AFAP1: variants seen among roughly 807,000 people sequenced by gnomAD.
AFAP1 encodes actin filament-associated protein 1.
A neutral mutation model predicts 93.9 loss-of-function variants in AFAP1; 75 were observed. The observed-to-expected ratio is 0.80, with a 90% CI of 0.66 to 0.97. The LOEUF (loss-of-function observed/expected upper bound fraction) is 0.97. AFAP1 is among the 50% of genes least tolerant of loss of function. The probability of loss-of-function intolerance (pLI) is 0.00; values close to 1 mark genes in which losing one functional copy is unlikely to be tolerated. For missense variants in AFAP1, 1,201 were observed against 1,050.8 expected, an observed-to-expected ratio of 1.14 and a Z score of -1.98; for synonymous variants, 517 against 430.7, an observed-to-expected ratio of 1.20 and a Z score of -2.48.
rs73795746 is a variant in AFAP1 at position 7,884,824 on chromosome 4, T to C, written c.-2-12744A>G. Among the ~76,000 whole-genome samples the C allele has an allele frequency of 8.4e-4, 128 of 152,318 alleles. 2 individuals carry two copies. Among genetic ancestry groups the C allele is most frequent in the African/African-American group, 2.8e-3 (118 of 41,578 alleles). On this transcript the variant is annotated intron_variant, in intron 1 of 17. Coordinates refer to ENST00000420658, the MANE Select transcript of AFAP1 (RefSeq NM_001134647.2). ...ATCAGACGTAAAAAGAAAAGACTGA[T>C]CAATGTGCCTACAAAAAGTATGAGC...
chr4:7,782,538 T>C (rs543943662), intron 12 of AFAP1, among the ~76,000 whole-genome samples: 48 of 152,370 alleles, frequency 3.2e-4, no homozygotes, highest in African/African-American at 1.1e-3. Flanking sequence ...CTAAAATAGC[T>C]ACATGCCACT....
intron 3 of AFAP1, among the ~76,000 whole-genome samples, chr4:7,860,279 G>GTA (rs893661029): frequency 1.3e-5 from 2 of 150,518 alleles, no homozygotes; most frequent in East Asian, 2.2e-4. Context: ...GTGTGTGTGT[G>GTA]TATATGTGTG....
chr4:7,891,541 T>G (rs1718471682), intron 1 of AFAP1, among the ~76,000 whole-genome samples: 1 of 152,150 alleles, frequency 6.6e-6, no homozygotes, highest in East Asian at 1.9e-4. Context: ...TCAGACTGGC[T>G]GAGCATATTA....
intron 13 of AFAP1, among the ~76,000 whole-genome samples, chr4:7,779,947 A>C (rs528814531): frequency 1.4e-4 from 22 of 152,298 alleles, no homozygotes; most frequent in Admixed American, 1.0e-3. Context: ...CAAAAACAAA[A>C]CAAAAGGGGA....
At chr4:7,877,277 C>G (rs974792574) in intron 1 of AFAP1, among the ~76,000 whole-genome samples, 5 of 152,192 alleles carry the variant, frequency 3.3e-5, no homozygotes, top group Non-Finnish European at 7.3e-5. Flanking sequence ...ACCATTTTCT[C>G]ACAACGGGTC....
Position 7,786,345 on chromosome 4 carries a change from C to T in AFAP1, c.1413-34G>A, listed in dbSNP as rs372735054. 4.0e-5 allele frequency: 62 copies of T among 1,556,256 alleles called. No individual in the cohort carries two copies. The African/African-American group carries it at 6.3e-4, about 16-fold the overall frequency. ...AAGGAAATGCGTTAAAATCCATAAC[C>T]TGACCACCTTTTACTCCAATCAGTC... is the stretch of plus-strand genomic sequence containing the variant. On this transcript the variant is annotated intron_variant, in intron 11 of 17. Transcript: ENST00000420658.
At chr4:7,792,081 G>A (rs1467502672) in intron 11 of AFAP1, among the ~76,000 whole-genome samples, 1 of 152,178 alleles carries the variant, frequency 6.6e-6, no homozygotes, top group Non-Finnish European at 1.5e-5. Flanking sequence ...TGAAGTATGT[G>A]AAGAAAATCC....
intron 3 of AFAP1, among the ~76,000 whole-genome samples, chr4:7,860,757 G>A (rs576877728): frequency 5.4e-4 from 83 of 152,310 alleles, no homozygotes; most frequent in African/African-American, 1.9e-3. Context: ...CGGACAAGAT[G>A]TAAGGAGGGA....
intron 8 of AFAP1, among the ~76,000 whole-genome samples, chr4:7,814,068 C>A (rs561733800): frequency 6.6e-6 from 1 of 152,156 alleles, no homozygotes; most frequent in Non-Finnish European, 1.5e-5. Context: ...CCACATACTG[C>A]TAAGGAAAAT....
chr4:7,761,139 C>CAGAT lies in AFAP1; in HGVS notation c.*2622_*2625dup, dbSNP rs1276582563. ...ATGGCTCGCGTGTGTCTAATATGTA[C>CAGAT]AGATATAAATTAAAAACTATATTTA... is the stretch of plus-strand genomic sequence containing the variant. On this transcript the variant is annotated 3_prime_UTR_variant, in exon 18 of 18. Coordinates refer to ENST00000420658, the MANE Select transcript of AFAP1 (RefSeq NM_001134647.2). 3.3e-5 allele frequency: 5 copies of CAGAT among 152,194 alleles called. No homozygotes were observed. Among genetic ancestry groups the CAGAT allele is most frequent in the Non-Finnish European group, 7.3e-5 (5 of 68,036 alleles). 9.4% of individuals were successfully genotyped at this position (152,194 alleles called of 1,614,324 possible). A position where few individuals can be genotyped will look rare whatever the true frequency, so the allele number is the denominator to read the frequency against.
rs751884345 is a variant in AFAP1 at position 7,843,358 on chromosome 4, A to G, written c.335-8T>C. 6.2e-7 allele frequency: 1 copy of G among 1,606,836 alleles called. No individual in the cohort carries two copies. Among genetic ancestry groups the G allele is most frequent in the African/African-American group, 1.3e-5 (1 of 74,784 alleles). On this transcript the variant is annotated splice_polypyrimidine_tract_variant and splice_region_variant and intron_variant, in intron 4 of 17. Transcript: ENST00000420658. ...TCGCATCGGAATCATAATCTGTAAA[A>G]AATAAACATACACTGGTAAAAAGGA...
chr4:7,779,375 G>A (rs1716505766), intron 13 of AFAP1, among the ~76,000 whole-genome samples: 1 of 152,228 alleles, frequency 6.6e-6, no homozygotes, highest in Non-Finnish European at 1.5e-5. Flanking sequence ...GTCCGCAGAA[G>A]GAAGCAAGAG....
At chr4:7,820,756 G>A (rs1208525088) in intron 6 of AFAP1, among the ~76,000 whole-genome samples, 1 of 152,148 alleles carries the variant, frequency 6.6e-6, no homozygotes, top group Non-Finnish European at 1.5e-5. Context: ...GTGAGGATGT[G>A]GAGGGAAGAG....
Position 7,789,392 on chromosome 4 carries a change from G to A in AFAP1, c.1413-3081C>T, listed in dbSNP as rs140210999. Among the ~76,000 whole-genome samples the A allele has an allele frequency of 1.5e-3, 222 of 144,224 alleles. 13 individuals carry two copies. Among genetic ancestry groups the A allele is most frequent in the African/African-American group, 5.5e-3 (216 of 39,242 alleles). 94.6% of individuals were successfully genotyped at this position (144,224 alleles called of 152,430 possible). ...CCATCTGTGAATCTCTCCATGCTCC[G>A]CACCAGCCCCGGCTTTCCATCCTCT... On this transcript the variant is annotated intron_variant, in intron 11 of 17. Transcript: ENST00000420658.
chr4:7,911,604 C>T (rs1333605932), intron 1 of AFAP1, among the ~76,000 whole-genome samples: 1 of 152,230 alleles, frequency 6.6e-6, no homozygotes, highest in Admixed American at 6.5e-5. Context: ...TCCTCATCTC[C>T]ATTTTTTAAG....
intron 8 of AFAP1, among the ~76,000 whole-genome samples, chr4:7,811,801 T>G (rs1163000438): frequency 6.6e-6 from 1 of 152,158 alleles, no homozygotes; most frequent in Non-Finnish European, 1.5e-5. Context: ...TGCATGTTGT[T>G]TCAGCCACGC....
chr4:7,804,126 G>A (rs1191452590), intron 9 of AFAP1, among the ~76,000 whole-genome samples: 8 of 152,188 alleles, frequency 5.3e-5, no homozygotes. Context: ...CTCTAGCCTG[G>A]CTGATGAAAT....
At chr4:7,790,943 T>C (rs1717811221) in intron 11 of AFAP1, among the ~76,000 whole-genome samples, 1 of 152,204 alleles carries the variant, frequency 6.6e-6, no homozygotes, top group Non-Finnish European at 1.5e-5. Context: ...GCTGGGTGTA[T>C]GTAACATGTG....
intron 11 of AFAP1, among the ~76,000 whole-genome samples, chr4:7,787,945 C>T (rs559701309): frequency 6.7e-5 from 10 of 148,452 alleles, no homozygotes; most frequent in Non-Finnish European, 1.5e-4. Context: ...CCCAGGTCTC[C>T]GCGTGGGTGC....
Sources: allele counts gnomAD v4.1 joint callset (sites outside exome capture counted in the v4.1 genomes callset), GRCh38; gene constraint gnomAD v4.1.1; transcripts MANE v1.5; gene names NCBI Gene and HGNC (gene_info 2026-07-23, HGNC 2026-07-21).